Variants in LRP4 observed in about 807,000 individuals in gnomAD.
LRP4 encodes the protein LDL receptor related protein 4.
LRP4 carries 95 observed loss-of-function variants against 220.3 expected under a neutral mutation model. That is an observed-to-expected ratio of 0.43 (90% CI 0.37 to 0.51). The LOEUF (loss-of-function observed/expected upper bound fraction) is 0.51. LRP4 is among the 20% of genes least tolerant of loss of function. LRP4 has a pLI of 0.00. For synonymous variants in LRP4, 903 were observed against 954.6 expected (o/e 0.95, Z 1.00); for missense variants, 1,925 against 2,567.0 (o/e 0.75, Z 5.40).
intron 36 of LRP4, 54 bp downstream of exon 36, chr11:46,864,394 A>T: frequency 7.7e-7 from 1 of 1,300,848 alleles, no homozygotes; most frequent in Non-Finnish European, 1.1e-6. Context: ...GAGATCCCAG[A>T]CATGCTCATG....
At position 46,888,690 on chromosome 11, in the gene LRP4, G is replaced by T. The variant is rs952132063; in HGVS notation, c.2215+721C>A. On this transcript the variant is annotated intron_variant, in intron 16 of 37. Coordinates refer to ENST00000378623, the MANE Select transcript of LRP4 (RefSeq NM_002334.4). The stretch of plus-strand genomic sequence containing the variant: ...TCTAGAAAGGACCCAGGTCCCAGGA[G>T]AATTTTATTTTACCCAGATTTCAGA... Among the ~76,000 whole-genome samples the T allele has an allele frequency of 3.9e-5, 6 of 152,096 alleles. No individual in the cohort carries two copies. The South Asian group carries it at 1.2e-3, about 32-fold the overall frequency.
intron 35 of LRP4, among the ~76,000 whole-genome samples, chr11:46,864,820 A>G (rs571681479): frequency 1.3e-5 from 2 of 152,360 alleles, no homozygotes; most frequent in South Asian, 2.1e-4. Flanking sequence ...CTCTTTAGTT[A>G]AATGTAAATA....
At chr11:46,909,562 G>A (rs1170435110) in intron 1 of LRP4, among the ~76,000 whole-genome samples, 2 of 95,488 alleles carry the variant, frequency 2.1e-5, no homozygotes, top group Non-Finnish European at 3.7e-5. Context: ...CCGAGATTGC[G>A]CCACTGCAGT....
rs778376974 is a variant in LRP4, at chr11:46,898,961, T to C, written c.619A>G (p.Ile207Val). The C allele has an allele frequency of 2.0e-5, 32 of 1,613,642 alleles. 1 individual carries two copies. In the South Asian group the frequency reaches 3.2e-4, roughly 16 times the overall value. ...QCAYGRCILD[I>V]YHCDGDDDCG... ...TCATCGTCGCCATCGCAGTGGTAGA[T>C]GTCGAGGATGCAGCGTCCATAGGCA... The change falls in exon 6 of 38, where the codon ATC becomes GTC. Residue 207 changes from isoleucine to valine, a missense_variant. By Grantham distance (29) the Ile-to-Val change is conservative. Transcript: ENST00000378623.
intron 36 of LRP4, chr11:46,862,983 G>C: frequency 3.7e-6 from 2 of 541,270 alleles, no homozygotes. Flanking sequence ...CAAGAAACTG[G>C]TTCTGGTCTT....
In LRP4 at chr11:46,871,543, G is replaced by A. The variant is rs61742905; in HGVS notation, c.4674C>T (p.His1558=). ...CCAGTACCTGTGTGAGGGCAAAGGG[G>A]TGGGACACATGGCTGACCAAGACCT... ...LRQVLVSHVS[H]PFALTQQDRW... is the part of the protein sequence containing the mutation. The change falls in exon 31 of 38, where the codon CAC becomes CAT. Residue 1558 remains histidine, a synonymous_variant. Transcript: ENST00000378623. 2.9e-4 allele frequency: 460 copies of A among 1,612,586 alleles called. 1 individual carries two copies. In the African/African-American group the frequency reaches 3.8e-3, roughly 13 times the overall value.
At position 46,896,403 on chromosome 11, in the gene LRP4, A is replaced by T; in HGVS notation, c.923-68T>A. ...GCCAACAAAGAGATGGGAGCCTGTCATTTTCTAGGGTAAGCTGGAGACAGA... is the reference window on the plus strand; with the variant it reads ...GCCAACAAAGAGATGGGAGCCTGTCTTTTTCTAGGGTAAGCTGGAGACAGA... On this transcript the variant is annotated intron_variant, in intron 8 of 37. Coordinates refer to ENST00000378623, the MANE Select transcript of LRP4 (RefSeq NM_002334.4). The T allele has an allele frequency of 4.4e-6, 7 of 1,590,270 alleles. No individual in the cohort carries two copies. The East Asian group carries it at 1.6e-4, about 36-fold the overall frequency.
In LRP4 at chr11:46,873,394, C is replaced by A; in HGVS notation, c.4429G>T (p.Ala1477Ser). The change falls in exon 29 of 38, where the codon GCT (alanine) becomes TCT (serine). Residue 1477 changes from alanine to serine, a missense_variant. By Grantham distance (99) the Ala-to-Ser change is moderately conservative. This residue lies in a region of LRP4 where 1,244 missense variants were observed against 1,624.9 expected (regional missense o/e 0.77). Coordinates refer to ENST00000378623, the MANE Select transcript of LRP4 (RefSeq NM_002334.4). The surrounding 1 kb of genome is among the most constrained non-coding windows in gnomAD (Gnocchi z 4.2). Reference sequence around the variant, plus strand: ...ACTTACCCCTTCCTGGGGAAAACAGCAATGGCCCGGGGCTCATCCAGGCTA... The same window carrying A: ...ACTTACCCCTTCCTGGGGAAAACAGAAATGGCCCGGGGCTCATCCAGGCTA... ...NNSLDEPRAIAVFPRKGYLFW... is the reference protein window; with the variant it reads ...NNSLDEPRAISVFPRKGYLFW... 6.2e-7 allele frequency: 1 copy of A among 1,614,196 alleles called. No homozygotes were observed. Among genetic ancestry groups the A allele is most frequent in the Non-Finnish European group, 8.5e-7 (1 of 1,180,026 alleles).
rs1227788421 is a variant in LRP4, at chr11:46,895,185, C to T, written c.1290G>A (p.Arg430=). Residue 430 remains arginine (R), a synonymous_variant, in exon 11 of 38, where the codon CGG becomes CGA. Transcript: ENST00000378623. ...CCTTACCCAGAGCCTTGCAGCTGCG[C>T]CGGTCGGGCCGTAGTTCATAGCCTG... ...CETGYELRPD[R]RSCKALGPEP... 6.2e-7 allele frequency: 1 copy of T among 1,613,940 alleles called. No homozygotes were observed. Among genetic ancestry groups the T allele is most frequent in the Non-Finnish European group, 8.5e-7 (1 of 1,180,040 alleles).
At chr11:46,888,070 TC>T in intron 16 of LRP4, among the ~76,000 whole-genome samples, 1 of 125,980 alleles carries the variant, frequency 7.9e-6, no homozygotes, top group Middle Eastern at 5.9e-3. Context: ...ATGCCTGTAA[TC>T]CCAACACTTT....
chr11:46,875,922 C>T lies in LRP4; in HGVS notation c.3581G>A (p.Arg1194Gln), dbSNP rs369916883. ...GCGGTCTGAGCCATCCATTCCGGAC[C>T]GCTCTAACTTGGCATTCTCCCCCCA... ...TDWGENAKLE[R>Q]SGMDGSDRAV... is the part of the protein sequence containing the mutation. The change falls in exon 26 of 38, where the codon CGG (arginine) becomes CAG (glutamine). Residue 1194 changes from arginine to glutamine, a missense_variant. Physicochemically the swap from Arg to Gln is conservative, Grantham distance 43. Transcript: ENST00000378623. This position sits in a 1 kb window ranked among gnomAD's most constrained non-coding sequence, Gnocchi z 4.5. 7.4e-6 allele frequency: 12 copies of T among 1,613,954 alleles called. No homozygotes were observed. In the African/African-American group the frequency reaches 1.1e-4, roughly 14 times the overall value.
At chr11:46,893,598 T>G (rs1418140979) in intron 12 of LRP4, among the ~76,000 whole-genome samples, 3 of 152,160 alleles carry the variant, frequency 2.0e-5, no homozygotes, top group Non-Finnish European at 4.4e-5. Context: ...GTTTCTGTGG[T>G]TTTTTGTTTG....
chr11:46,876,228 G>A (rs529739188), intron 25 of LRP4, among the ~76,000 whole-genome samples: 1 of 152,308 alleles, frequency 6.6e-6, no homozygotes, highest in Non-Finnish European at 1.5e-5. Flanking sequence ...GGACCCAAGT[G>A]ATATAGCTAA....
intron 1 of LRP4, among the ~76,000 whole-genome samples, chr11:46,915,370 T>C (rs1408769222): frequency 6.6e-6 from 1 of 152,218 alleles, no homozygotes; most frequent in Non-Finnish European, 1.5e-5. Context: ...ACTCTTCCAA[T>C]GGTTGTCATC....
intron 20 of LRP4, 139 bp from the exon 21 acceptor site, chr11:46,879,454 A>C: frequency 1.3e-6 from 1 of 794,742 alleles, no homozygotes; most frequent in Non-Finnish European, 2.1e-6. Context: ...TACTTATAAA[A>C]TCTCTCTGAG....
intron 19 of LRP4, among the ~76,000 whole-genome samples, chr11:46,882,920 A>C (rs4752949): frequency 1.3e-5 from 2 of 151,796 alleles, no homozygotes; most frequent in Non-Finnish European, 2.9e-5. Context: ...AAAGACACAC[A>C]AGATATAAGG....
At position 46,875,305 on chromosome 11, in the gene LRP4, A is replaced by G; in HGVS notation, c.3925+151T>C. The G allele has an allele frequency of 1.1e-6, 1 of 890,918 alleles. No homozygotes were observed. The highest frequency in any genetic ancestry group is 1.6e-5 in the African/African-American group (1 of 60,642). 55.2% of individuals were successfully genotyped at this position (890,918 alleles called of 1,614,324 possible). On this transcript the variant is annotated intron_variant, in intron 27 of 37. Transcript: ENST00000378623. The surrounding 1 kb of genome is among the most constrained non-coding windows in gnomAD (Gnocchi z 4.5). ...CAGCTGTAGTACCAGCCATACCCAG[A>G]GAGAACACAGCCCAATCTGGAAGGG... is the stretch of plus-strand genomic sequence containing the variant.
intron 7 of LRP4, 118 bp from the exon 8 acceptor site, chr11:46,897,112 C>A: frequency 7.6e-7 from 1 of 1,313,426 alleles, no homozygotes; most frequent in East Asian, 2.3e-5. Flanking sequence ...GGGATCACAG[C>A]TGGTCTATAT....
In LRP4 at chr11:46,880,393, G is replaced by A. The variant is rs184214183; in HGVS notation, c.2815-1078C>T. 2.8e-3 allele frequency among the ~76,000 whole-genome samples: 416 copies of A among 151,180 alleles called. 2 individuals carry two copies. Among genetic ancestry groups the A allele is most frequent in the African/African-American group, 9.5e-3 (393 of 41,204 alleles). Reference sequence around the variant, plus strand: ...AAGCAGGAGGATTGCTTGAGCCTAGGAGTTCAAGACTAGCCTAGACAACAA... The same window carrying A: ...AAGCAGGAGGATTGCTTGAGCCTAGAAGTTCAAGACTAGCCTAGACAACAA... On this transcript the variant is annotated intron_variant, in intron 20 of 37. Transcript: ENST00000378623.
Sources: gnomAD v4.1 joint callset for allele counts (sites outside exome capture counted in the v4.1 genomes callset) on GRCh38, gnomAD v4.1.1 for gene constraint, gnomAD v4.1.1 regional missense constraint, Gnocchi (gnomAD v3.1) non-coding constraint, MANE v1.5 for transcripts, NCBI Gene and HGNC (gene_info 2026-07-23, HGNC 2026-07-21) for gene names.